Variants in PTPRQ observed in about 807,000 individuals in gnomAD.
PTPRQ encodes phosphatidylinositol phosphatase PTPRQ.
PTPRQ carries 199 observed loss-of-function variants against 246.0 expected under a neutral mutation model. That is an observed-to-expected ratio of 0.81 (90% confidence interval 0.72 to 0.91). PTPRQ has a LOEUF of 0.91. PTPRQ is among the 40% of genes least tolerant of loss of function. The pLI is 0.00. For missense variants in PTPRQ, 2,624 were observed against 2,528.4 expected, an observed-to-expected ratio of 1.04 and a Z score of -0.81; for synonymous variants, 869 against 853.2, an observed-to-expected ratio of 1.02 and a Z score of -0.32.
chr12:80,613,314 T>C lies in PTPRQ; in HGVS notation c.4919-278T>C, dbSNP rs1898623915. 5.3e-5 allele frequency among the ~76,000 whole-genome samples: 8 copies of C among 150,554 alleles called. No individual in the cohort carries two copies. In the Admixed American group the frequency reaches 5.3e-4, roughly 10 times the overall value. On this transcript the variant is annotated intron_variant, in intron 28 of 44. Transcript: ENST00000644991. ...GTCAGGGTGACAAAGGGAGACCCTG[T>C]CTCGAAAACAAACAAAAGATTAAAA...
intron 25 of PTPRQ, among the ~76,000 whole-genome samples, chr12:80,578,682 C>T (rs1168253552): frequency 6.6e-6 from 1 of 152,070 alleles, no homozygotes; most frequent in African/African-American, 2.4e-5. Flanking sequence ...CCTGAGCCAC[C>T]GCACCCGGCC....
intron 28 of PTPRQ, 117 bp downstream of exon 28, chr12:80,610,742 A>G: frequency 1.5e-6 from 2 of 1,299,760 alleles, no homozygotes; most frequent in Non-Finnish European, 2.0e-6. Context: ...AAAGCATATA[A>G]ACAAAAAAAT....
intron 32 of PTPRQ, among the ~76,000 whole-genome samples, chr12:80,621,639 T>C (rs1418049825): frequency 2.0e-5 from 3 of 152,062 alleles, no homozygotes; most frequent in Non-Finnish European, 2.9e-5. Flanking sequence ...AGACAAGTTC[T>C]ATATCATCAT....
In PTPRQ at chr12:80,505,906, G is replaced by A. The variant is rs10778757; in HGVS notation, c.2273-118G>A. 305,945 of 1,130,632 alleles carry A rather than the reference G, an allele frequency of 0.27. 45,125 individuals are homozygous for A. The highest frequency in any genetic ancestry group is 0.51 in the African/African-American group (31,954 of 62,272). 70.0% of individuals were successfully genotyped at this position (1,130,632 alleles called of 1,614,324 possible). A position where few individuals can be genotyped will look rare whatever the true frequency, so the allele number is the denominator to read the frequency against. ...TTACTTCATTCAGGATATTTATTAC[G>A]ATTACATTCTAGTGAAGGTTCAATT... is the stretch of plus-strand genomic sequence containing the variant. On this transcript the variant is annotated intron_variant, in intron 14 of 44. Coordinates refer to ENST00000644991, the MANE Select transcript of PTPRQ (RefSeq NM_001145026.2).
In PTPRQ at chr12:80,534,220, TA is replaced by T. The variant is rs562159043; in HGVS notation, c.2839+55del. On this transcript the variant is annotated intron_variant, in intron 18 of 44. Transcript: ENST00000644991. ...CAATTAAAAGAATGTTCTTTTTCTT[TA>T]AAAAAAAAATCCTGCCCAGAAAAAT... 8,666 of 1,250,258 alleles carry T rather than the reference TA, an allele frequency of 6.9e-3. 1 individual carries two copies. Among genetic ancestry groups the T allele is most frequent in the South Asian group, 0.017 (945 of 54,636 alleles). The allele number at this position is 1,250,258 out of a possible 1,614,324, so 77.4% of individuals were successfully genotyped here.
chr12:80,529,272 C>T (rs1895778261), intron 17 of PTPRQ, among the ~76,000 whole-genome samples: 1 of 152,168 alleles, frequency 6.6e-6, no homozygotes, highest in South Asian at 2.1e-4. Context: ...TCACATTCTT[C>T]ATTTTGGGGA....
intron 35 of PTPRQ, among the ~76,000 whole-genome samples, chr12:80,648,495 C>T (rs1369874970): frequency 1.3e-5 from 2 of 152,056 alleles, no homozygotes; most frequent in African/African-American, 2.4e-5. Flanking sequence ...TTCATGGATT[C>T]ATTCTGTCTG....
intron 35 of PTPRQ, among the ~76,000 whole-genome samples, chr12:80,639,816 T>C (rs1899790024): frequency 6.6e-6 from 1 of 152,210 alleles, no homozygotes; most frequent in South Asian, 2.1e-4. Context: ...TAATAGCTAC[T>C]GTTTATGAGC....
chr12:80,530,998 T>C (rs28409050), intron 17 of PTPRQ, among the ~76,000 whole-genome samples: 2,900 of 152,128 alleles, frequency 0.019, 92 homozygotes, highest in African/African-American at 0.066. Context: ...AAGTCCAGCC[T>C]AGGCAACATA....
At chr12:80,663,976 T>TG (rs779079714) in intron 39 of PTPRQ, among the ~76,000 whole-genome samples, 2 of 152,018 alleles carry the variant, frequency 1.3e-5, no homozygotes, top group East Asian at 1.9e-4. Context: ...TTGAACTGCA[T>TG]GCCTATTTGT....
intron 30 of PTPRQ, 21 bp from the exon 31 acceptor site, chr12:80,619,363 A>G (rs1898886883): frequency 6.5e-7 from 1 of 1,543,836 alleles, no homozygotes; most frequent in Non-Finnish European, 8.8e-7. Context: ...AATTGCAGTG[A>G]TATTTCTTCT....
At chr12:80,541,523 G>A in intron 20 of PTPRQ, 32 bp from the exon 21 acceptor site, 2 of 1,403,624 alleles carry the variant, frequency 1.4e-6, no homozygotes, top group Non-Finnish European at 1.9e-6. Context: ...GGTAACTGAT[G>A]ATTTTTGTAT....
intron 35 of PTPRQ, among the ~76,000 whole-genome samples, chr12:80,645,400 T>C (rs993632196): frequency 1.3e-5 from 2 of 152,102 alleles, no homozygotes; most frequent in Non-Finnish European, 2.9e-5. Context: ...TGTGAAAATG[T>C]ATTCAATTCA....
chr12:80,525,716 T>C (rs1267164128), intron 17 of PTPRQ, among the ~76,000 whole-genome samples: 1 of 152,042 alleles, frequency 6.6e-6, no homozygotes, highest in East Asian at 1.9e-4. Flanking sequence ...ACTCTGTGTA[T>C]GTGTATGTGG....
intron 25 of PTPRQ, among the ~76,000 whole-genome samples, chr12:80,577,113 C>T (rs180727923): frequency 1.3e-5 from 2 of 152,300 alleles, no homozygotes; most frequent in Non-Finnish European, 1.5e-5. Flanking sequence ...TGACTTACTG[C>T]ATGCAGCTGT....
chr12:80,641,551 T>A (rs1415550859), intron 35 of PTPRQ, among the ~76,000 whole-genome samples: 10 of 152,252 alleles, frequency 6.6e-5, no homozygotes. Flanking sequence ...AACCTTGTTT[T>A]AACTTCAGAT....
At chr12:80,533,577 AG>A (rs1390101465) in intron 17 of PTPRQ, among the ~76,000 whole-genome samples, 1 of 151,994 alleles carries the variant, frequency 6.6e-6, no homozygotes, top group Non-Finnish European at 1.5e-5. Flanking sequence ...GTTGGCCTGA[AG>A]TAAATGTTAC....
chr12:80,518,643 TA>T (rs1895378053), intron 17 of PTPRQ, among the ~76,000 whole-genome samples: 1 of 152,206 alleles, frequency 6.6e-6, no homozygotes, highest in Non-Finnish European at 1.5e-5. Context: ...CATTTTGATT[TA>T]ATTTTTGTAT....
At chr12:80,597,267 A>T (rs896002533) in intron 26 of PTPRQ, among the ~76,000 whole-genome samples, 7 of 152,004 alleles carry the variant, frequency 4.6e-5, no homozygotes, top group African/African-American at 1.7e-4. Flanking sequence ...AAATAGCAAG[A>T]TTTATCCTGG....
Sources: allele counts gnomAD v4.1 joint callset (sites outside exome capture counted in the v4.1 genomes callset), GRCh38; gene constraint gnomAD v4.1.1; transcripts MANE v1.5; gene names NCBI Gene and HGNC (gene_info 2026-07-23, HGNC 2026-07-21).